The following MAPK10 variants were observed in gnomAD, a reference collection of about 807,000 sequenced individuals.
MAPK10 encodes the protein mitogen-activated protein kinase 10, also known as JNK3 alpha protein kinase.
In MAPK10, 25 loss-of-function variants were observed where a neutral mutation model predicts 59.3. That is an observed-to-expected ratio of 0.42 (90% CI 0.31 to 0.59). MAPK10 has a LOEUF of 0.59. Ranked by LOEUF, MAPK10 falls within the 20% of genes least tolerant of loss-of-function variation. The probability of loss-of-function intolerance (pLI) is 0.15; values close to 1 mark genes in which losing one functional copy is unlikely to be tolerated. For missense variants in MAPK10, 351 were observed against 568.9 expected, an observed-to-expected ratio of 0.62 and a Z score of 3.90; for synonymous variants, 190 against 200.5, an observed-to-expected ratio of 0.95 and a Z score of 0.44.
At chr4:86,578,004 C>A (rs1762023112) in intron 1 of MAPK10, among the ~76,000 whole-genome samples, 1 of 151,786 alleles carries the variant, frequency 6.6e-6, no homozygotes, top group South Asian at 2.1e-4. Flanking sequence ...TTATTAATAC[C>A]TATATTAATA....
intron 2 of MAPK10, among the ~76,000 whole-genome samples, chr4:86,242,461 G>C (rs1235597542): frequency 6.6e-6 from 1 of 152,206 alleles, no homozygotes; most frequent in Admixed American, 6.5e-5. Context: ...GAGAGGCTAA[G>C]TCTGCTGCAG....
At chr4:86,035,487 A>C (rs1043423773) in intron 11 of MAPK10, among the ~76,000 whole-genome samples, 1 of 151,876 alleles carries the variant, frequency 6.6e-6, no homozygotes, top group African/African-American at 2.4e-5. Flanking sequence ...GCTGGATTGA[A>C]GAAAGATGTA....
At chr4:86,354,392 T>C (rs1431428998) in intron 2 of MAPK10, 138 bp downstream of exon 2, 1 of 405,744 alleles carries the variant, frequency 2.5e-6, no homozygotes, top group Non-Finnish European at 4.3e-6. Flanking sequence ...TTCTGTTCTA[T>C]TGATTTTCAC....
intron 4 of MAPK10, chr4:86,125,140 C>T (rs1473073786): frequency 6.6e-6 from 1 of 151,574 alleles, no homozygotes; most frequent in Admixed American, 6.6e-5. Flanking sequence ...GAACATTTTT[C>T]AAATAAAAAT....
At chr4:86,274,816 T>G (rs1285906492) in intron 2 of MAPK10, among the ~76,000 whole-genome samples, 1 of 151,996 alleles carries the variant, frequency 6.6e-6, no homozygotes, top group African/African-American at 2.4e-5. Context: ...GTACTCATAA[T>G]TACAGTCACC....
chr4:86,061,337 C>T (rs185096535), intron 11 of MAPK10, among the ~76,000 whole-genome samples: 100 of 152,258 alleles, frequency 6.6e-4, no homozygotes, highest in Non-Finnish European at 1.3e-3. Context: ...TGACATTATA[C>T]ACGATTTGTG....
intron 9 of MAPK10, chr4:86,095,558 TA>T (rs1257948229): frequency 6.6e-6 from 1 of 151,864 alleles, no homozygotes; most frequent in Non-Finnish European, 1.5e-5. Context: ...AGCATATACT[TA>T]GCTTTGATAT....
chr4:86,212,023 C>A (rs755828541), intron 2 of MAPK10, among the ~76,000 whole-genome samples: 2 of 151,720 alleles, frequency 1.3e-5, no homozygotes, highest in African/African-American at 4.8e-5. Context: ...GACAGTAATG[C>A]GGGAAATGAG....
intron 3 of MAPK10, among the ~76,000 whole-genome samples, chr4:86,172,184 G>A (rs1375471164): frequency 2.9e-5 from 4 of 140,008 alleles, no homozygotes; most frequent in Admixed American, 2.7e-4. Flanking sequence ...CAGGGATCTA[G>A]AACTAGAAAT....
chr4:86,432,778 T>A (rs1245220065), intron 1 of MAPK10, among the ~76,000 whole-genome samples: 1 of 152,124 alleles, frequency 6.6e-6, no homozygotes, highest in Non-Finnish European at 1.5e-5. Context: ...CAATCAATCC[T>A]CAGTGGCAAG....
intron 1 of MAPK10, among the ~76,000 whole-genome samples, chr4:86,461,393 G>T (rs1000813773): frequency 6.6e-6 from 1 of 152,180 alleles, no homozygotes; most frequent in Non-Finnish European, 1.5e-5. Flanking sequence ...TTGGCAGTTA[G>T]TTGAAATCAT....
intron 10 of MAPK10, chr4:86,064,738 G>A (rs1463678554): frequency 1.0e-5 from 2 of 196,258 alleles, no homozygotes; most frequent in African/African-American, 4.7e-5. Context: ...AGCACAGAGT[G>A]CAAATGCATG....
At chr4:86,220,516 A>G (rs2148638411) in intron 2 of MAPK10, among the ~76,000 whole-genome samples, 1 of 152,338 alleles carries the variant, frequency 6.6e-6, no homozygotes, top group Middle Eastern at 3.4e-3. Context: ...CTTAAATTTT[A>G]TTTAGTCCTG....
chr4:86,315,624 G>T (rs1381040471), intron 2 of MAPK10, among the ~76,000 whole-genome samples: 2 of 152,062 alleles, frequency 1.3e-5, no homozygotes, highest in African/African-American at 4.8e-5. Flanking sequence ...ATTTTCTAGA[G>T]TACTTATGAT....
intron 5 of MAPK10, among the ~76,000 whole-genome samples, chr4:86,105,805 T>A (rs1442767572): frequency 1.3e-5 from 2 of 152,182 alleles, no homozygotes; most frequent in African/African-American, 4.8e-5. Context: ...CCATATTAGA[T>A]ATGAGTGTGC....
intron 2 of MAPK10, among the ~76,000 whole-genome samples, chr4:86,282,233 G>T (rs897422573): frequency 2.6e-5 from 4 of 152,080 alleles, no homozygotes; most frequent in African/African-American, 9.7e-5. Flanking sequence ...TGAATCATTT[G>T]AATGCACAAG....
intron 1 of MAPK10, chr4:86,357,136 C>T (rs1734919590): frequency 1.3e-5 from 2 of 152,206 alleles, no homozygotes; most frequent in African/African-American, 4.8e-5. Context: ...AAGGAAGTCT[C>T]TCTTGCTTTG....
At chr4:86,173,257 G>A (rs1241204056) in intron 3 of MAPK10, among the ~76,000 whole-genome samples, 1 of 151,988 alleles carries the variant, frequency 6.6e-6, no homozygotes, top group African/African-American at 2.4e-5. Context: ...AGTAGAATAC[G>A]AGTATAAAAA....
At chr4:86,348,666 TATA>T (rs1729534407) in intron 2 of MAPK10, among the ~76,000 whole-genome samples, 1 of 152,084 alleles carries the variant, frequency 6.6e-6, no homozygotes, top group African/African-American at 2.4e-5. Flanking sequence ...AAACAGTTCT[TATA>T]ATAAAAAAAA....
Sources: allele counts gnomAD v4.1 joint callset (sites outside exome capture counted in the v4.1 genomes callset), GRCh38; gene constraint gnomAD v4.1.1; transcripts MANE v1.5; gene names NCBI Gene and HGNC (gene_info 2026-07-23, HGNC 2026-07-21).